ABCC6: variants seen among roughly 807,000 people sequenced by gnomAD.
ABCC6 encodes ATP binding cassette subfamily C member 6.
In ABCC6, 126 loss-of-function variants were observed where a neutral mutation model predicts 169.5. That is an observed-to-expected ratio of 0.74 (90% CI 0.64 to 0.86). The LOEUF (loss-of-function observed/expected upper bound fraction) is 0.86. ABCC6 is among the 40% of genes least tolerant of loss of function. The pLI, the probability that ABCC6 is intolerant of heterozygous loss-of-function variation, is 0.00. For missense variants in ABCC6, 1,733 were observed against 1,927.2 expected, an observed-to-expected ratio of 0.90 and a Z score of 1.89; for synonymous variants, 752 against 814.7, an observed-to-expected ratio of 0.92 and a Z score of 1.31.
intron 4 of ABCC6, 111 bp from the exon 5 acceptor site, chr16:16,214,560 T>A (rs1488365400): frequency 5.3e-6 from 8 of 1,514,238 alleles, no homozygotes; most frequent in Non-Finnish European, 6.2e-6. Context: ...AGGGCAAGAG[T>A]ATTTGAAAGC....
chr16:16,167,541 C>A (rs868026522), intron 22 of ABCC6, among the ~76,000 whole-genome samples: 2 of 152,348 alleles, frequency 1.3e-5, no homozygotes, highest in South Asian at 2.1e-4. Context: ...GCAATCTCTG[C>A]TCACTGCAAA....
At chr16:16,183,415 A>G (rs28504242) in intron 15 of ABCC6, among the ~76,000 whole-genome samples, 4,509 of 151,738 alleles carry the variant, frequency 0.03, 127 homozygotes, top group African/African-American at 0.071. Flanking sequence ...ACTCCTGTCC[A>G]CGTCCCACAG....
At chr16:16,162,828 G>A (rs2046761135) in intron 24 of ABCC6, among the ~76,000 whole-genome samples, 165 bp downstream of exon 24, 1 of 152,190 alleles carries the variant, frequency 6.6e-6, no homozygotes, top group Non-Finnish European at 1.5e-5. Context: ...TCTCGGTCAT[G>A]TTCCATCTGC....
chr16:16,155,952 A>G (rs1407873474), intron 27 of ABCC6, among the ~76,000 whole-genome samples: 4 of 151,510 alleles, frequency 2.6e-5, no homozygotes, highest in South Asian at 2.1e-4. Context: ...GTCTTGCTCT[A>G]TTGCCCAGGC....
intron 19 of ABCC6, among the ~76,000 whole-genome samples, chr16:16,176,792 A>T (rs1174047014): frequency 6.6e-6 from 1 of 152,222 alleles, no homozygotes; most frequent in Non-Finnish European, 1.5e-5. Flanking sequence ...ACCTGGGACT[A>T]GTTCCTTAAC....
intron 27 of ABCC6, chr16:16,155,275 C>T: frequency 1.7e-6 from 1 of 592,028 alleles, no homozygotes; most frequent in Non-Finnish European, 3.0e-6. Flanking sequence ...TTTCTCCCCA[C>T]CCTTCCTTTA....
intron 29 of ABCC6, 117 bp from the exon 30 acceptor site, chr16:16,150,889 C>T (rs2046368346): frequency 6.6e-7 from 1 of 1,525,664 alleles, no homozygotes; most frequent in South Asian, 1.2e-5. Context: ...TGTGTTCAGG[C>T]ATCCCCACAC....
rs2152247219 is a variant in ABCC6 at position 16,175,895 on chromosome 16, A to G, written c.2666+16T>C. The G allele has an allele frequency of 6.2e-7, 1 of 1,613,894 alleles. No individual in the cohort carries two copies. Among genetic ancestry groups the G allele is most frequent in the Non-Finnish European group, 8.5e-7 (1 of 1,179,968 alleles). ...CAGCCTGTGCCCTTCTGAGTGTGGC[A>G]CCATGGTGGACTCACCTCTCGCGTC... On this transcript the variant is annotated intron_variant, in intron 20 of 30. Coordinates refer to ENST00000205557, the MANE Select transcript of ABCC6 (RefSeq NM_001171.6).
chr16:16,157,082 G>A (rs1171232960), intron 27 of ABCC6, among the ~76,000 whole-genome samples: 1 of 152,036 alleles, frequency 6.6e-6, no homozygotes, highest in Non-Finnish European at 1.5e-5. Flanking sequence ...ATTCAGTGAA[G>A]GGGCCTGATG....
intron 8 of ABCC6, among the ~76,000 whole-genome samples, chr16:16,203,114 C>T (rs1317073860): frequency 3.3e-5 from 5 of 152,340 alleles, no homozygotes; most frequent in Admixed American, 6.5e-5. Context: ...TACTGACCCA[C>T]ATTACCATGA....
intron 13 of ABCC6, among the ~76,000 whole-genome samples, chr16:16,187,909 A>C: frequency 1.1e-5 from 1 of 88,228 alleles, no homozygotes; most frequent in Admixed American, 1.3e-4. Flanking sequence ...TAAATAAATT[A>C]AATAAATAAA....
chr16:16,153,093 C>T (rs973772861), intron 29 of ABCC6, among the ~76,000 whole-genome samples: 2 of 152,014 alleles, frequency 1.3e-5, no homozygotes, highest in Non-Finnish European at 2.9e-5. Context: ...TTAGTAGAGA[C>T]GGGGCTTCAC....
intron 4 of ABCC6, among the ~76,000 whole-genome samples, chr16:16,217,609 G>A (rs141351867): frequency 0.036 from 5,417 of 152,300 alleles, 115 homozygotes; most frequent in African/African-American, 0.046. Flanking sequence ...GTGAGGAGAC[G>A]TGTGTAAGTG....
chr16:16,177,548 C>T lies in ABCC6; in HGVS notation c.2494G>A (p.Ala832Thr), dbSNP rs772456820. The T allele has an allele frequency of 6.8e-6, 11 of 1,614,222 alleles. No homozygotes were observed. The highest frequency in any genetic ancestry group is 1.6e-4 in the Middle Eastern group (1 of 6,062). Residue 832 changes from alanine (A) to threonine (T), a missense_variant, in exon 19 of 31, where the codon GCA becomes ACA. Coordinates refer to ENST00000205557, the MANE Select transcript of ABCC6 (RefSeq NM_001171.6). Reference sequence around the variant, plus strand: ...AGCTCCTGGTAGGAACCCATCTCTGCGATGGCCCCATTTGCCAGCACTATG... The same window carrying T: ...AGCTCCTGGTAGGAACCCATCTCTGTGATGGCCCCATTTGCCAGCACTATG... The part of the protein sequence containing the change: ...WIIVLANGAI[A>T]EMGSYQELLQ...
chr16:16,165,888 G>T lies in ABCC6; in HGVS notation c.3041C>A (p.Ala1014Asp). 1.2e-6 allele frequency: 2 copies of T among 1,613,132 alleles called. No homozygotes were observed. Among genetic ancestry groups the T allele is most frequent in the Non-Finnish European group, 1.7e-6 (2 of 1,179,994 alleles). Residue 1014 changes from alanine (A) to aspartate (D), a missense_variant, in exon 23 of 31, where the codon GCC becomes GAC. Transcript: ENST00000205557. ...CTGGAAGAGCAACCTGGATGCCCGG[G>T]CCCCACCTAGGAGCACCGCAGCCAT... ...ASMAAVLLGG[A>D]RASRLLFQRL... is the part of the protein sequence containing the mutation.
rs779973499 is a variant in ABCC6 at position 16,187,253 on chromosome 16, A to C, written c.1780-42T>G. Reference sequence around the variant, plus strand: ...CGCAGGTCACCCAGCAAGAAGAGCAAAGAACTCAGGTTTTGGGTGTCGGTG... The same window carrying C: ...CGCAGGTCACCCAGCAAGAAGAGCACAGAACTCAGGTTTTGGGTGTCGGTG... On this transcript the variant is annotated intron_variant, in intron 13 of 30. Transcript: ENST00000205557. 2.6e-6 allele frequency: 4 copies of C among 1,558,710 alleles called. No homozygotes were observed. In the South Asian group the frequency reaches 4.6e-5, roughly 18 times the overall value.
intron 4 of ABCC6, among the ~76,000 whole-genome samples, chr16:16,215,465 G>GTGTGTGTA (rs2048832116): frequency 6.6e-6 from 1 of 150,564 alleles, no homozygotes; most frequent in Non-Finnish European, 1.5e-5. Context: ...GTGTGTGTGT[G>GTGTGTGTA]TGTGTGTGTA....
At chr16:16,172,971 G>A (rs2047162164) in intron 21 of ABCC6, 2 of 400,506 alleles carry the variant, frequency 5.0e-6, no homozygotes, top group Middle Eastern at 7.5e-4. Context: ...TAGCCCAGGA[G>A]GTCGAGGCTG....
chr16:16,222,869 C>T (rs1246452789), intron 1 of ABCC6, among the ~76,000 whole-genome samples: 1 of 152,126 alleles, frequency 6.6e-6, no homozygotes, highest in Admixed American at 6.5e-5. Context: ...AGGGGGAAAA[C>T]GAGACTCTAC....
Sources: allele counts gnomAD v4.1 joint callset (sites outside exome capture counted in the v4.1 genomes callset), GRCh38; gene constraint gnomAD v4.1.1; transcripts MANE v1.5; gene names NCBI Gene and HGNC (gene_info 2026-07-23, HGNC 2026-07-21).